The following C8A variants were observed in gnomAD, a reference collection of about 807,000 sequenced individuals.
C8A encodes complement component C8 alpha chain.
C8A carries 67 observed loss-of-function variants against 65.3 expected under a neutral mutation model. The ratio of observed to expected loss-of-function variants is 1.03; its 90% CI spans 0.84 to 1.26. The LOEUF is 1.26. Among genes scored for constraint, C8A ranks in the 50% most tolerant of loss-of-function variants. C8A has a pLI of 0.00. For missense variants in C8A, 781 were observed against 723.9 expected, an observed-to-expected ratio of 1.08 and a Z score of -0.90; for synonymous variants, 290 against 259.4, an observed-to-expected ratio of 1.12 and a Z score of -1.13.
At chr1:56,911,208 C>T (rs1644503194) in intron 9 of C8A, among the ~76,000 whole-genome samples, 1 of 151,918 alleles carries the variant, frequency 6.6e-6, no homozygotes, top group Admixed American at 6.6e-5. Flanking sequence ...AGTATTATTC[C>T]CATTTTCTAG....
intron 4 of C8A, among the ~76,000 whole-genome samples, chr1:56,879,882 T>C (rs769479765): frequency 1.1e-4 from 16 of 152,292 alleles, no homozygotes; most frequent in Non-Finnish European, 1.9e-4. Context: ...TATTCGCAGT[T>C]TATCCCCTGC....
intron 4 of C8A, among the ~76,000 whole-genome samples, chr1:56,876,973 G>C (rs1644204382): frequency 6.6e-6 from 1 of 152,086 alleles, no homozygotes; most frequent in African/African-American, 2.4e-5. Context: ...TAGGAAATAG[G>C]GATTTTAGAG....
chr1:56,885,741 G>T (rs1189926893), intron 6 of C8A, among the ~76,000 whole-genome samples, 186 bp from the exon 7 acceptor site: 1 of 151,374 alleles, frequency 6.6e-6, no homozygotes, highest in East Asian at 1.9e-4. Flanking sequence ...TAGTAGAGAC[G>T]GGGTTTCACC....
At chr1:56,908,298 G>T (rs1644482785) in intron 9 of C8A, among the ~76,000 whole-genome samples, 185 bp downstream of exon 9, 1 of 152,166 alleles carries the variant, frequency 6.6e-6, no homozygotes, top group Non-Finnish European at 1.5e-5. Flanking sequence ...CCAGGCCACG[G>T]GACAGCTGGG....
At chr1:56,863,796 A>G (rs1304317263) in intron 1 of C8A, among the ~76,000 whole-genome samples, 1 of 152,086 alleles carries the variant, frequency 6.6e-6, no homozygotes, top group Non-Finnish European at 1.5e-5. Flanking sequence ...GTCACTGCCT[A>G]TATCCCAGAA....
At chr1:56,889,748 A>T (rs1226578269) in intron 7 of C8A, among the ~76,000 whole-genome samples, 1 of 152,024 alleles carries the variant, frequency 6.6e-6, no homozygotes, top group East Asian at 1.9e-4. Context: ...GTTTGCTCAG[A>T]TCCTCTCTGG....
chr1:56,867,141 A>G (rs376898585), intron 1 of C8A, among the ~76,000 whole-genome samples: 1 of 152,202 alleles, frequency 6.6e-6, no homozygotes, highest in Non-Finnish European at 1.5e-5. Context: ...AAGCATTTCA[A>G]TACACTTTCA....
At position 56,908,170 on chromosome 1, in the gene C8A, G is replaced by T. The variant is rs904326999; in HGVS notation, c.1380+57G>T. On this transcript the variant is annotated intron_variant, in intron 9 of 10. Coordinates refer to ENST00000361249, the MANE Select transcript of C8A (RefSeq NM_000562.3). ...GTCCATGAGGAATGAAAGTGAAGCA[G>T]ACCAGATCATTTCATATTTCTTATT... The T allele has an allele frequency of 3.3e-5, 50 of 1,533,828 alleles. No homozygotes were observed. The African/African-American group carries it at 6.3e-4, about 19-fold the overall frequency.
chr1:56,869,860 A>G (rs1173362286), intron 2 of C8A, among the ~76,000 whole-genome samples: 1 of 152,026 alleles, frequency 6.6e-6, no homozygotes, highest in Admixed American at 6.6e-5. Flanking sequence ...AGGGTTTGTG[A>G]ATGGTCATCC....
At chr1:56,866,171 T>A (rs1164814799) in intron 1 of C8A, among the ~76,000 whole-genome samples, 2 of 152,206 alleles carry the variant, frequency 1.3e-5, no homozygotes, top group African/African-American at 4.8e-5. Context: ...TCTTCATAGA[T>A]TTCAACCAAA....
intron 7 of C8A, among the ~76,000 whole-genome samples, chr1:56,890,421 C>T (rs1266994562): frequency 6.6e-6 from 1 of 152,144 alleles, no homozygotes; most frequent in Non-Finnish European, 1.5e-5. Context: ...GCAAAGCTTA[C>T]GATCCAGTGG....
At chr1:56,904,131 C>T (rs1214364107) in intron 7 of C8A, among the ~76,000 whole-genome samples, 1 of 152,172 alleles carries the variant, frequency 6.6e-6, no homozygotes, top group Non-Finnish European at 1.5e-5. Flanking sequence ...AGACCCCCAC[C>T]TCCAACTCTT....
chr1:56,855,636 G>T (rs1010808898), intron 1 of C8A, among the ~76,000 whole-genome samples: 13 of 146,828 alleles, frequency 8.9e-5, no homozygotes, highest in Non-Finnish European at 1.7e-4. Context: ...TGCTTCATGG[G>T]TTTTTTTTTT....
intron 9 of C8A, among the ~76,000 whole-genome samples, chr1:56,911,944 T>C (rs1437934974): frequency 6.6e-6 from 1 of 152,146 alleles, no homozygotes; most frequent in Non-Finnish European, 1.5e-5. Context: ...TAAGCCCACT[T>C]GGGATTGGGA....
At chr1:56,899,531 A>C (rs1644411062) in intron 7 of C8A, among the ~76,000 whole-genome samples, 2 of 152,144 alleles carry the variant, frequency 1.3e-5, no homozygotes, top group South Asian at 4.1e-4. Flanking sequence ...TAACACATGG[A>C]ATATCTCCAC....
intron 7 of C8A, among the ~76,000 whole-genome samples, chr1:56,899,080 C>A (rs1644406297): frequency 6.6e-6 from 1 of 152,136 alleles, no homozygotes; most frequent in African/African-American, 2.4e-5. Context: ...CCATGACAAC[C>A]AGTCTTCACG....
chr1:56,912,621 A>C lies in C8A; in HGVS notation c.1599A>C (p.Thr533=). The C allele has an allele frequency of 6.2e-7, 1 of 1,614,022 alleles. No homozygotes were observed. The highest frequency in any genetic ancestry group is 8.5e-7 in the Non-Finnish European group (1 of 1,179,936). ...GTGCTGCCTGTGAGCAAACACAGAC[A>C]GAAGGTAAGGTCCGTGCATCCCCAC... ...SLGAACEQTQ[T]EGAKADGSWS... Residue 533 remains threonine, a synonymous_variant, in exon 10 of 11, where the codon ACA becomes ACC. Coordinates refer to ENST00000361249, the MANE Select transcript of C8A (RefSeq NM_000562.3).
At chr1:56,902,806 C>T (rs1644436642) in intron 7 of C8A, among the ~76,000 whole-genome samples, 1 of 152,092 alleles carries the variant, frequency 6.6e-6, no homozygotes, top group African/African-American at 2.4e-5. Flanking sequence ...ATCGCATTGT[C>T]ACATATGGCA....
intron 10 of C8A, among the ~76,000 whole-genome samples, chr1:56,912,995 G>A (rs1368800235): frequency 6.6e-6 from 1 of 152,186 alleles, no homozygotes; most frequent in Admixed American, 6.5e-5. Context: ...AGTCAGGTGT[G>A]TTGGCTAGGT....
Sources: allele counts gnomAD v4.1 joint callset (sites outside exome capture counted in the v4.1 genomes callset), GRCh38; gene constraint gnomAD v4.1.1; transcripts MANE v1.5; gene names NCBI Gene and HGNC (gene_info 2026-07-23, HGNC 2026-07-21).